Variants in GLB1 observed in about 807,000 individuals in gnomAD.
GLB1 encodes the protein beta-galactosidase.
In GLB1, 56 loss-of-function variants were observed where a neutral mutation model predicts 74.0. That is an observed-to-expected ratio of 0.76 (90% confidence interval 0.61 to 0.94). The LOEUF is 0.94. Among genes scored for constraint, GLB1 ranks in the 40% least tolerant of loss-of-function variants. The probability of loss-of-function intolerance (pLI) is 0.00; values close to 1 mark genes in which losing one functional copy is unlikely to be tolerated. For synonymous variants in GLB1, 323 were observed against 323.6 expected (o/e 1.00, Z 0.02); for missense variants, 787 against 845.5 (o/e 0.93, Z 0.86).
intron 12 of GLB1, among the ~76,000 whole-genome samples, chr3:33,019,155 T>C (rs370239351): frequency 4.6e-5 from 7 of 151,810 alleles, no homozygotes; most frequent in African/African-American, 1.7e-4. Context: ...ATAATAATAA[T>C]AACAACAAAG....
chr3:33,015,335 G>T (rs1425071281), intron 14 of GLB1, among the ~76,000 whole-genome samples: 1 of 152,198 alleles, frequency 6.6e-6, no homozygotes, highest in Non-Finnish European at 1.5e-5. Context: ...GGCCAAGTGA[G>T]ATAACATACA....
rs150305797 is a variant in GLB1 at position 33,082,475 on chromosome 3, A to G, written c.76-9762T>C. ...TTAGTGCCCCCTCCACAAAGACTTAAAGATCATTTCCATCATGTTCATTCA... is the reference window on the plus strand; with the variant it reads ...TTAGTGCCCCCTCCACAAAGACTTAGAGATCATTTCCATCATGTTCATTCA... On this transcript the variant is annotated intron_variant, in intron 1 of 15. Transcript: ENST00000307363. Among the ~76,000 whole-genome samples the G allele has an allele frequency of 5.3e-5, 8 of 152,264 alleles. No homozygotes were observed. The East Asian group carries it at 1.5e-3, about 29-fold the overall frequency.
rs1164272898 is a variant in GLB1, at chr3:33,021,729, T to C, written c.1144-74A>G. 2.6e-6 allele frequency: 4 copies of C among 1,534,858 alleles called. No homozygotes were observed. The African/African-American group carries it at 4.1e-5, about 16-fold the overall frequency. ...ATCAGGTTACAGAGTCATTCCCTAA[T>C]TATCAAAGACATCAGTGGGTTTGAC... On this transcript the variant is annotated intron_variant, in intron 11 of 15. Transcript: ENST00000307363.
At chr3:33,029,178 G>T (rs1697902266) in intron 10 of GLB1, among the ~76,000 whole-genome samples, 2 of 152,086 alleles carry the variant, frequency 1.3e-5, no homozygotes, top group African/African-American at 4.8e-5. Flanking sequence ...GAAAAGAAAT[G>T]AACAAATATA....
At chr3:33,053,587 G>C in intron 6 of GLB1, 38 bp from the exon 7 acceptor site, 2 of 1,613,678 alleles carry the variant, frequency 1.2e-6, no homozygotes, top group Non-Finnish European at 1.7e-6. Context: ...GTCAGTCGTG[G>C]AAATGACAAG....
chr3:32,976,820 G>A, the GLB1 span, among the ~76,000 whole-genome samples: 2 of 152,202 alleles, frequency 1.3e-5, no homozygotes, highest in Admixed American at 1.3e-4. Context: ...GGACAAAGAA[G>A]AGAAGAGTGA....
the GLB1 span, among the ~76,000 whole-genome samples, chr3:32,981,399 CAAAAAAAAAAAAA>C: frequency 1.1e-5 from 1 of 90,482 alleles, no homozygotes; most frequent in Non-Finnish European, 2.0e-5. Flanking sequence ...GACTCCATCT[CAAAAAAAAAAAAA>C]AAAAGAAAAA....
At chr3:33,058,312 T>G (rs768841137) in intron 5 of GLB1, 43 bp from the exon 6 acceptor site, 1 of 1,612,458 alleles carries the variant, frequency 6.2e-7, no homozygotes, top group South Asian at 1.1e-5. Context: ...GAGATCCTAA[T>G]GTAGCCACCC....
At chr3:33,094,293 G>C in intron 1 of GLB1, 1 of 1,504,092 alleles carries the variant, frequency 6.6e-7, no homozygotes, top group Non-Finnish European at 8.9e-7. Flanking sequence ...AGGTTTCCAG[G>C]TCAACTCCGC....
chr3:33,092,843 C>T, intron 1 of GLB1: 1 of 1,600,944 alleles, frequency 6.2e-7, no homozygotes, highest in Non-Finnish European at 8.5e-7. Context: ...TTCAGGGAGA[C>T]CGCTGCAGGA....
chr3:33,066,273 G>C (rs1699678019), intron 4 of GLB1, among the ~76,000 whole-genome samples: 1 of 152,188 alleles, frequency 6.6e-6, no homozygotes, highest in South Asian at 2.1e-4. Context: ...GTTGAGTCAT[G>C]AGGGCTCAGC....
chr3:33,032,745 T>G (rs889559235), intron 10 of GLB1, among the ~76,000 whole-genome samples: 5 of 152,212 alleles, frequency 3.3e-5, no homozygotes, highest in African/African-American at 9.6e-5. Flanking sequence ...CAAATTGATT[T>G]CTTCCTCTCC....
At chr3:32,981,751 A>T in the GLB1 span, among the ~76,000 whole-genome samples, 94 of 150,342 alleles carry the variant, frequency 6.3e-4, 2 homozygotes, top group Admixed American at 6.2e-3. Flanking sequence ...CCAGCCTGGG[A>T]GACAGAGCGA....
intron 10 of GLB1, among the ~76,000 whole-genome samples, chr3:33,025,826 G>A (rs1224608626): frequency 6.6e-6 from 1 of 152,270 alleles, no homozygotes; most frequent in Admixed American, 6.5e-5. Context: ...TGACTGTGCC[G>A]TCCCCAGCCT....
At chr3:33,045,681 G>A (rs1161106104) in intron 10 of GLB1, 12 of 1,024,100 alleles carry the variant, frequency 1.2e-5, no homozygotes, top group African/African-American at 3.4e-5. Context: ...AAGGATAGGG[G>A]CTCCCATATA....
chr3:33,096,942 C>A, intron 1 of GLB1, 69 bp downstream of exon 1: 4 of 1,571,818 alleles, frequency 2.5e-6, no homozygotes, highest in East Asian at 2.4e-5. Flanking sequence ...GTGGCTGCGA[C>A]CCCAGCCCGG....
chr3:33,025,250 T>C (rs760673405), intron 10 of GLB1, among the ~76,000 whole-genome samples: 15 of 152,296 alleles, frequency 9.8e-5, no homozygotes, highest in Middle Eastern at 6.8e-3. Flanking sequence ...TGGCCACAAA[T>C]CCTCTTTTTT....
intron 5 of GLB1, among the ~76,000 whole-genome samples, chr3:33,064,917 T>C (rs1459784281): frequency 6.6e-6 from 1 of 152,086 alleles, no homozygotes; most frequent in Non-Finnish European, 1.5e-5. Context: ...TATTAGTCCT[T>C]GCAGAGCCAA....
At chr3:33,039,477 C>T (rs1011183977) in intron 10 of GLB1, among the ~76,000 whole-genome samples, 2 of 151,992 alleles carry the variant, frequency 1.3e-5, no homozygotes, top group Admixed American at 6.6e-5. Flanking sequence ...CTGACAAATG[C>T]AATCATTGAA....
Sources: gnomAD v4.1 joint callset for allele counts (sites outside exome capture counted in the v4.1 genomes callset) on GRCh38, gnomAD v4.1.1 for gene constraint, MANE v1.5 for transcripts, NCBI Gene and HGNC (gene_info 2026-07-23, HGNC 2026-07-21) for gene names.